ATP13A3: variants seen among roughly 807,000 people sequenced by gnomAD.
The protein encoded by ATP13A3 is ATPase 13A3.
ATP13A3 carries 59 observed loss-of-function variants against 158.1 expected under a neutral mutation model. The ratio of observed to expected loss-of-function variants is 0.37; its 90% CI spans 0.30 to 0.46. The LOEUF (loss-of-function observed/expected upper bound fraction) is 0.46, where lower values mean the gene tolerates loss of function less well. ATP13A3 is among the 20% of genes least tolerant of loss of function. The pLI, the probability that ATP13A3 is intolerant of heterozygous loss-of-function variation, is 1.00. For synonymous variants in ATP13A3, 491 were observed against 504.3 expected, an observed-to-expected ratio of 0.97 and a Z score of 0.35; for missense variants, 1,166 against 1,525.2, an observed-to-expected ratio of 0.76 and a Z score of 3.92.
At chr3:194,468,386 T>TAAAAAAAAAAAAAAAAAAAAAA (rs35011462) in intron 2 of ATP13A3, 7 of 111,882 alleles carry the variant, frequency 6.3e-5, no homozygotes, top group African/African-American at 2.8e-4. Context: ...TGTGTGAGTT[T>TAAAAAAAAAAAAAAAAAAAAAA]AAAAAAAAAA....
intron 14 of ATP13A3, 93 bp downstream of exon 14, chr3:194,446,834 C>T: frequency 8.1e-7 from 1 of 1,230,562 alleles, no homozygotes; most frequent in Non-Finnish European, 1.1e-6. Context: ...CAGAATGTGT[C>T]CAAATTTGTT....
chr3:194,492,342 G>A lies in ATP13A3; in HGVS notation n.746+1708C>T, dbSNP rs146469216. 3.0e-3 allele frequency among the ~76,000 whole-genome samples: 452 copies of A among 151,946 alleles called. 3 individuals are homozygous for A. The highest frequency in any genetic ancestry group is 1.0e-2 in the African/African-American group (413 of 41,412). On this transcript the variant is annotated intron_variant and non_coding_transcript_variant, in intron 2 of 32. Coordinates refer to the ATP13A3 transcript ENST00000687055. ...TTAAATGCATATACAGTTGTCCCTC[G>A]ATATCTACAGGGAATTGGTTTCAGA...
At chr3:194,409,742 AC>A (rs1284955342) in intron 33 of ATP13A3, among the ~76,000 whole-genome samples, 2 of 123,312 alleles carry the variant, frequency 1.6e-5, no homozygotes, top group Non-Finnish European at 3.2e-5. Flanking sequence ...AAGTATTAAC[AC>A]CCGGGGCTGC....
chr3:194,428,134 T>C (rs1716942833), intron 28 of ATP13A3, among the ~76,000 whole-genome samples: 1 of 149,396 alleles, frequency 6.7e-6, no homozygotes, highest in Non-Finnish European at 1.5e-5. Context: ...GGCAGGAGAA[T>C]CGCTTGAACT....
chr3:194,446,607 A>G (rs1577064850), intron 14 of ATP13A3, among the ~76,000 whole-genome samples: 1 of 152,278 alleles, frequency 6.6e-6, no homozygotes, highest in Middle Eastern at 3.4e-3. Context: ...AGTGTTTTAG[A>G]TCTTTATTTA....
At chr3:194,485,539 C>T (rs952907063) in intron 2 of ATP13A3, among the ~76,000 whole-genome samples, 2 of 152,186 alleles carry the variant, frequency 1.3e-5, no homozygotes, top group African/African-American at 4.8e-5. Flanking sequence ...TTTTTAAAGG[C>T]TTTATTTTGC....
chr3:194,432,546 T>C (rs997358007), intron 21 of ATP13A3, among the ~76,000 whole-genome samples: 7 of 152,092 alleles, frequency 4.6e-5, no homozygotes, highest in African/African-American at 1.7e-4. Context: ...TGACCTTTGG[T>C]ACACAAAGCC....
chr3:194,440,993 G>C (rs1718014677), intron 16 of ATP13A3, among the ~76,000 whole-genome samples: 1 of 152,162 alleles, frequency 6.6e-6, no homozygotes, highest in Non-Finnish European at 1.5e-5. Context: ...AAGAAATTGT[G>C]TCAGTTGAGA....
At chr3:194,456,415 T>C (rs889720613) in intron 7 of ATP13A3, among the ~76,000 whole-genome samples, 7 of 152,132 alleles carry the variant, frequency 4.6e-5, no homozygotes, top group Non-Finnish European at 7.4e-5. Context: ...AGTTTAAATG[T>C]TTCCACTTAA....
At chr3:194,475,475 C>G (rs919505551) in intron 2 of ATP13A3, among the ~76,000 whole-genome samples, 51 of 152,164 alleles carry the variant, frequency 3.4e-4, no homozygotes, top group Non-Finnish European at 1.5e-4. Context: ...CTTTAAGTTA[C>G]ATGAATTTGG....
At chr3:194,419,685 G>A (rs778162717) in intron 31 of ATP13A3, 194 bp downstream of exon 31, 9 of 747,970 alleles carry the variant, frequency 1.2e-5, no homozygotes, top group East Asian at 1.3e-4. Flanking sequence ...AAATGAAAAC[G>A]GCACCAGAAG....
At chr3:194,418,870 T>C (rs756179838) in intron 31 of ATP13A3, among the ~76,000 whole-genome samples, 1 of 152,192 alleles carries the variant, frequency 6.6e-6, no homozygotes, top group Non-Finnish European at 1.5e-5. Context: ...CATGGCAATA[T>C]TTAAAAAGCA....
chr3:194,480,628 G>T (rs372814505), intron 2 of ATP13A3, among the ~76,000 whole-genome samples: 132 of 152,148 alleles, frequency 8.7e-4, no homozygotes, highest in African/African-American at 2.9e-3. Flanking sequence ...AATTATACTA[G>T]ATCTTTTTGT....
At position 194,453,772 on chromosome 3, in the gene ATP13A3, C is replaced by A. The variant is rs201347235; in HGVS notation, c.772G>T (p.Val258Phe). 5 of 1,612,918 alleles carry A rather than the reference C, an allele frequency of 3.1e-6. No homozygotes were observed. The Admixed American group carries it at 8.3e-5, about 27-fold the overall frequency. ...SSLYSIRKQY[V>F]MLHDMVATHS... ...GTTGCCACCATGTCATGCAACATAACATATTGCTGAAAGAGGAAAAAGAAG... is the reference window on the plus strand; with the variant it reads ...GTTGCCACCATGTCATGCAACATAAAATATTGCTGAAAGAGGAAAAAGAAG... The change falls in exon 10 of 34, where the codon GTT becomes TTT. Residue 258 changes from valine to phenylalanine, a missense_variant. Transcript: ENST00000645319.
chr3:194,443,346 A>C (rs1480365690), intron 15 of ATP13A3, among the ~76,000 whole-genome samples: 1 of 152,208 alleles, frequency 6.6e-6, no homozygotes, highest in Non-Finnish European at 1.5e-5. Context: ...CAAGCAGTAT[A>C]AGATTGGGAT....
chr3:194,454,336 A>G lies in ATP13A3; in HGVS notation c.687T>C (p.Asp229=). ...QLFSVILWST[D]EYYYYALAIV... is the part of the protein sequence containing the mutation. ...TAGCTAGAGCATAGTAATAGTATTCATCAGTGCTCCACAGTATAACACTGA... is the reference window on the plus strand; with the variant it reads ...TAGCTAGAGCATAGTAATAGTATTCGTCAGTGCTCCACAGTATAACACTGA... The change falls in exon 9 of 34, where the codon GAT becomes GAC. Residue 229 remains aspartate, a synonymous_variant. Transcript: ENST00000645319. 6.2e-7 allele frequency: 1 copy of G among 1,608,680 alleles called. No individual in the cohort carries two copies. The highest frequency in any genetic ancestry group is 8.5e-7 in the Non-Finnish European group (1 of 1,175,226).
chr3:194,447,826 C>A, intron 13 of ATP13A3, 26 bp downstream of exon 13: 2 of 1,574,118 alleles, frequency 1.3e-6, no homozygotes, highest in Non-Finnish European at 1.7e-6. Flanking sequence ...GAGGTTCAAA[C>A]CCTATTAAGA....
At chr3:194,420,231 C>A in intron 30 of ATP13A3, 1 of 198,192 alleles carries the variant, frequency 5.0e-6, no homozygotes, top group Non-Finnish European at 9.9e-6. Context: ...ATAATCAGCA[C>A]TTAAAAAAAT....
intron 8 of ATP13A3, among the ~76,000 whole-genome samples, chr3:194,454,744 G>T (rs1358233162): frequency 6.6e-6 from 1 of 151,746 alleles, no homozygotes; most frequent in Non-Finnish European, 1.5e-5. Flanking sequence ...CAGGAGAATG[G>T]CTTGAACCCG....
Sources: allele counts gnomAD v4.1 joint callset (sites outside exome capture counted in the v4.1 genomes callset), GRCh38; gene constraint gnomAD v4.1.1; transcripts MANE v1.5; gene names NCBI Gene and HGNC (gene_info 2026-07-23, HGNC 2026-07-21).